CSMD2: variants seen among roughly 807,000 people sequenced by gnomAD.
The protein encoded by CSMD2 is CUB and Sushi multiple domains 2.
CSMD2 carries 130 observed loss-of-function variants against 398.5 expected under a neutral mutation model. The ratio of observed to expected loss-of-function variants is 0.33; its 90% CI spans 0.28 to 0.38. CSMD2 has a LOEUF of 0.38. Among genes scored for constraint, CSMD2 ranks in the 10% least tolerant of loss-of-function variants. The pLI, the probability that CSMD2 is intolerant of heterozygous loss-of-function variation, is 1.00. For synonymous variants in CSMD2, 1,828 were observed against 1,908.5 expected, an observed-to-expected ratio of 0.96 and a Z score of 1.10; for missense variants, 3,829 against 4,764.9, an observed-to-expected ratio of 0.80 and a Z score of 5.78.
In CSMD2 at chr1:33,557,747, G is replaced by C; in HGVS notation, c.8730C>G (p.Arg2910=). 1 of 1,535,988 alleles carries C rather than the reference G, an allele frequency of 6.5e-7. No individual in the cohort carries two copies. The highest frequency in any genetic ancestry group is 8.7e-7 in the Non-Finnish European group (1 of 1,146,880). The part of the protein sequence containing the change: ...CQGDGTWDRP[R]PQCLLVSCGH... ...ACATCTACTTACAGAGACACTGGGG[G>C]CGGGGACGGTCCCATGTGCCATCTC... The change falls in exon 55 of 71, where the codon CGC becomes CGG. Residue 2910 remains arginine (R), a synonymous_variant. Coordinates refer to ENST00000373381, the MANE Select transcript of CSMD2 (RefSeq NM_001281956.2).
chr1:33,704,863 C>T (rs1026495267), intron 22 of CSMD2, among the ~76,000 whole-genome samples: 6 of 151,930 alleles, frequency 3.9e-5, no homozygotes, highest in African/African-American at 1.2e-4. Flanking sequence ...TCCAGGTTCA[C>T]GCCATTCTCC....
At chr1:33,900,516 C>T (rs948053235) in intron 5 of CSMD2, among the ~76,000 whole-genome samples, 3 of 152,188 alleles carry the variant, frequency 2.0e-5, no homozygotes, top group African/African-American at 4.8e-5. Context: ...ATGGCTCACG[C>T]CTGTAATCCC....
intron 3 of CSMD2, among the ~76,000 whole-genome samples, chr1:33,998,819 T>C (rs1646807793): frequency 6.6e-6 from 1 of 152,202 alleles, no homozygotes; most frequent in Non-Finnish European, 1.5e-5. Flanking sequence ...AGCAGGGCCC[T>C]GTATGACTGC....
At chr1:33,793,849 G>A (rs1437356981) in intron 10 of CSMD2, among the ~76,000 whole-genome samples, 2 of 152,064 alleles carry the variant, frequency 1.3e-5, no homozygotes, top group East Asian at 1.9e-4. Context: ...ATAAGTTGCA[G>A]GTTTCTGGCT....
chr1:33,880,941 A>G (rs1185666851), intron 5 of CSMD2, among the ~76,000 whole-genome samples: 2 of 152,222 alleles, frequency 1.3e-5, no homozygotes, highest in Non-Finnish European at 2.9e-5. Flanking sequence ...GGAGAAAGGT[A>G]ATTACTGTAT....
chr1:33,899,567 T>C (rs1022258179), intron 5 of CSMD2, among the ~76,000 whole-genome samples: 68 of 152,162 alleles, frequency 4.5e-4, no homozygotes, highest in Non-Finnish European at 1.6e-4. Flanking sequence ...ATAGTAATTG[T>C]ATTTTCTTCC....
chr1:34,040,108 T>C (rs981654478), intron 2 of CSMD2, among the ~76,000 whole-genome samples: 6 of 152,198 alleles, frequency 3.9e-5, no homozygotes, highest in Non-Finnish European at 5.9e-5. Context: ...GGAGGATCAC[T>C]TGAGCCTAGG....
chr1:33,970,576 G>A (rs185560939), intron 3 of CSMD2, among the ~76,000 whole-genome samples: 3 of 152,288 alleles, frequency 2.0e-5, no homozygotes, highest in East Asian at 1.9e-4. Context: ...AAGATCAGAT[G>A]CCCACTCAAC....
Position 33,724,221 on chromosome 1 carries a change from T to A in CSMD2, c.2977A>T (p.Ile993Phe), listed in dbSNP as rs572332052. ...FYPNNLNCTW[I>F]IETSHGKGVF... is the part of the protein sequence containing the mutation. ...CCCTTGCCATGAGATGTTTCGATAA[T>A]CCAGGTGCAGTTCAAGTTGTTGGGG... Residue 993 changes from isoleucine to phenylalanine, a missense_variant, in exon 19 of 71, where the codon ATT (isoleucine) becomes TTT (phenylalanine). By Grantham distance (21) the Ile-to-Phe change is conservative. Coordinates refer to ENST00000373381, the MANE Select transcript of CSMD2 (RefSeq NM_001281956.2). 1 of 1,613,568 alleles carries A rather than the reference T, an allele frequency of 6.2e-7. No individual in the cohort carries two copies. The highest frequency in any genetic ancestry group is 2.2e-5 in the East Asian group (1 of 44,868).
intron 60 of CSMD2, 36 bp downstream of exon 60, chr1:33,540,489 A>C: frequency 6.2e-7 from 1 of 1,610,802 alleles, no homozygotes. Context: ...GGAGCTATTG[A>C]AGAGGATGCA....
At chr1:33,593,838 T>G (rs2148777270) in intron 44 of CSMD2, among the ~76,000 whole-genome samples, 1 of 152,300 alleles carries the variant, frequency 6.6e-6, no homozygotes, top group African/African-American at 2.4e-5. Context: ...CCTTTTATAT[T>G]TGGATTATGT....
intron 41 of CSMD2, among the ~76,000 whole-genome samples, chr1:33,610,791 G>T (rs1243590170): frequency 6.6e-6 from 1 of 152,214 alleles, no homozygotes; most frequent in Non-Finnish European, 1.5e-5. Flanking sequence ...AGGGACAGCT[G>T]TACAGAGTGG....
chr1:33,676,514 T>C (rs1442593165), intron 25 of CSMD2, among the ~76,000 whole-genome samples: 7 of 152,266 alleles, frequency 4.6e-5, no homozygotes, highest in Middle Eastern at 3.4e-3. Context: ...GAATCAATAT[T>C]GTGAAAATGG....
intron 32 of CSMD2, among the ~76,000 whole-genome samples, chr1:33,629,110 C>T (rs1377896089): frequency 6.7e-6 from 1 of 148,222 alleles, no homozygotes; most frequent in Non-Finnish European, 1.5e-5. Context: ...GGAATTCAGA[C>T]ACCAGCAGGG....
At chr1:33,794,074 C>T (rs193129587) in intron 10 of CSMD2, among the ~76,000 whole-genome samples, 1 of 152,226 alleles carries the variant, frequency 6.6e-6, no homozygotes. Flanking sequence ...ATATTTTTTC[C>T]TAGTTGTGGC....
intron 2 of CSMD2, among the ~76,000 whole-genome samples, chr1:34,046,183 T>C (rs766726223): frequency 2.0e-5 from 3 of 152,216 alleles, no homozygotes; most frequent in Non-Finnish European, 4.4e-5. Flanking sequence ...TGTGAATCAG[T>C]GTGGAACAGG....
At chr1:33,743,892 C>T (rs1349151995) in intron 13 of CSMD2, among the ~76,000 whole-genome samples, 1 of 152,140 alleles carries the variant, frequency 6.6e-6, no homozygotes. Flanking sequence ...TAGGATGCGG[C>T]CCAGATTTTT....
intron 3 of CSMD2, among the ~76,000 whole-genome samples, chr1:33,946,620 C>CTT (rs756819198): frequency 0.038 from 5,558 of 144,888 alleles, 119 homozygotes; most frequent in Non-Finnish European, 0.052. Flanking sequence ...CATCTGACAA[C>CTT]TTTTTTTTTT....
intron 1 of CSMD2, among the ~76,000 whole-genome samples, chr1:34,098,444 TAAAA>T (rs1457609416): frequency 2.0e-5 from 3 of 148,238 alleles, no homozygotes; most frequent in Non-Finnish European, 4.5e-5. Flanking sequence ...AATAAATAAA[TAAAA>T]AGAAAAAAAA....
Sources: allele counts gnomAD v4.1 joint callset (sites outside exome capture counted in the v4.1 genomes callset), GRCh38; gene constraint gnomAD v4.1.1; transcripts MANE v1.5; gene names NCBI Gene and HGNC (gene_info 2026-07-23, HGNC 2026-07-21).